Variants in IQCM observed in about 807,000 individuals in gnomAD.
IQCM encodes IQ motif containing M, also known as IQ domain-containing protein M.
In IQCM, 45 loss-of-function variants were observed where a neutral mutation model predicts 57.6. The ratio of observed to expected loss-of-function variants is 0.78; its 90% CI spans 0.62 to 1.00. IQCM has a LOEUF of 1.00. Among genes scored for constraint, IQCM ranks in the 50% least tolerant of loss-of-function variants. The pLI is 0.00. For missense variants in IQCM, 468 were observed against 511.6 expected (o/e 0.91, Z 0.82); for synonymous variants, 148 against 158.9 (o/e 0.93, Z 0.51).
chr4:149,490,919 G>A (rs1742023796), intron 12 of IQCM, among the ~76,000 whole-genome samples: 1 of 152,130 alleles, frequency 6.6e-6, no homozygotes, highest in Non-Finnish European at 1.5e-5. Flanking sequence ...TAGCCTATGA[G>A]GAAACAGAAG....
rs189649611 is a variant in IQCM, at chr4:149,790,142, A to G, written c.-49+25169T>C. On this transcript the variant is annotated intron_variant, in intron 2 of 13. Coordinates refer to ENST00000636793, the MANE Select transcript of IQCM (RefSeq NM_001363507.2). ...ATTTACTCTATGGCAGGTTGGAATGATCTGTGAACATTAGTTGAAAGAACA... is the reference window on the plus strand; with the variant it reads ...ATTTACTCTATGGCAGGTTGGAATGGTCTGTGAACATTAGTTGAAAGAACA... 56 of 563,188 alleles carry G rather than the reference A, an allele frequency of 9.9e-5. No homozygotes were observed. The Admixed American group carries it at 1.6e-3, about 16-fold the overall frequency. The allele number at this position is 563,188 out of a possible 1,614,324, so 34.9% of individuals were successfully genotyped here.
Position 149,695,627 on chromosome 4 carries a change from T to C in IQCM, c.386-9159A>G, listed in dbSNP as rs928079725. ...AAAGTAAATTATAGTGTCAATATATTTTTAATATGAGAGAAACTTTAGTAT... is the reference window on the plus strand; with the variant it reads ...AAAGTAAATTATAGTGTCAATATATCTTTAATATGAGAGAAACTTTAGTAT... On this transcript the variant is annotated intron_variant, in intron 5 of 13. Coordinates refer to ENST00000636793, the MANE Select transcript of IQCM (RefSeq NM_001363507.2). Among the ~76,000 whole-genome samples the C allele has an allele frequency of 2.6e-4, 40 of 152,122 alleles. 1 individual carries two copies. The highest frequency in any genetic ancestry group is 2.2e-4 in the Non-Finnish European group (15 of 68,036).
chr4:149,366,388 G>T (rs1329833170), intron 13 of IQCM, among the ~76,000 whole-genome samples: 1 of 151,690 alleles, frequency 6.6e-6, no homozygotes, highest in Non-Finnish European at 1.5e-5. Flanking sequence ...AGCTAAATTG[G>T]TCTACTCCTC....
At chr4:149,705,069 C>T (rs2149819488) in intron 5 of IQCM, among the ~76,000 whole-genome samples, 1 of 151,128 alleles carries the variant, frequency 6.6e-6, no homozygotes, top group Non-Finnish European at 1.5e-5. Context: ...TTGCAAACAG[C>T]ATATGGTGGG....
chr4:149,733,736 A>G (rs139856358), intron 4 of IQCM, among the ~76,000 whole-genome samples: 10 of 152,294 alleles, frequency 6.6e-5, no homozygotes, highest in African/African-American at 2.4e-4. Flanking sequence ...TCACAAGCAT[A>G]AGGATTATAT....
intron 12 of IQCM, among the ~76,000 whole-genome samples, chr4:149,450,028 A>G (rs965187882): frequency 2.0e-5 from 3 of 151,920 alleles, no homozygotes; most frequent in Non-Finnish European, 4.4e-5. Flanking sequence ...CCAATGGAAC[A>G]GAAATGAGAA....
chr4:149,772,322 A>G (rs1333744015), intron 2 of IQCM, among the ~76,000 whole-genome samples: 1 of 152,214 alleles, frequency 6.6e-6, no homozygotes, highest in Non-Finnish European at 1.5e-5. Flanking sequence ...AATGCTCAAA[A>G]TGTAATTTTG....
chr4:149,612,668 C>G (rs550942986), intron 8 of IQCM, among the ~76,000 whole-genome samples: 7 of 151,970 alleles, frequency 4.6e-5, no homozygotes, highest in Admixed American at 1.3e-4. Context: ...AACTATGTAA[C>G]TTTGTAAGCT....
At chr4:149,575,061 A>G (rs1751504727) in intron 9 of IQCM, among the ~76,000 whole-genome samples, 3 of 151,904 alleles carry the variant, frequency 2.0e-5, no homozygotes, top group African/African-American at 7.2e-5. Flanking sequence ...ATTTAGTTAT[A>G]ATTTACACAA....
intron 12 of IQCM, among the ~76,000 whole-genome samples, chr4:149,515,071 CGTGTGTGTGTGTGTGT>C (rs58534209): frequency 6.9e-4 from 98 of 142,906 alleles, no homozygotes; most frequent in African/African-American, 2.4e-3. Flanking sequence ...TATATATACA[CGTGTGTGTGTGTGTGT>C]GTGTGTGTGT....
At chr4:149,571,933 G>A (rs1751200622) in intron 9 of IQCM, among the ~76,000 whole-genome samples, 1 of 152,008 alleles carries the variant, frequency 6.6e-6, no homozygotes, top group South Asian at 2.1e-4. Flanking sequence ...TTACAATCAA[G>A]GGGAATAAGC....
intron 8 of IQCM, among the ~76,000 whole-genome samples, chr4:149,619,107 G>GATATATATATATATATATATATAT (rs70965194): frequency 8.5e-4 from 108 of 126,734 alleles, no homozygotes; most frequent in African/African-American, 1.9e-3. Flanking sequence ...ATGTGGGATG[G>GATATATATATATATATATATATAT]ATATATATAT....
chr4:149,724,171 G>T (rs1255176052), intron 5 of IQCM, among the ~76,000 whole-genome samples: 2 of 151,858 alleles, frequency 1.3e-5, no homozygotes, highest in Admixed American at 6.6e-5. Flanking sequence ...TTTGGAATCT[G>T]CAGAGTTCAT....
intron 5 of IQCM, among the ~76,000 whole-genome samples, chr4:149,731,454 T>G (rs1393492779): frequency 6.6e-6 from 1 of 152,160 alleles, no homozygotes. Flanking sequence ...AGAAATAAAT[T>G]TAGTCTGTTT....
intron 12 of IQCM, among the ~76,000 whole-genome samples, chr4:149,542,651 C>A (rs1747970515): frequency 6.6e-6 from 1 of 151,964 alleles, no homozygotes; most frequent in African/African-American, 2.4e-5. Flanking sequence ...TGATGACATT[C>A]AGTATAAAAT....
intron 9 of IQCM, among the ~76,000 whole-genome samples, chr4:149,585,516 A>C (rs1051704142): frequency 6.6e-5 from 10 of 151,754 alleles, no homozygotes; most frequent in African/African-American, 2.2e-4. Flanking sequence ...ACATATATAC[A>C]TATATATAGT....
intron 2 of IQCM, among the ~76,000 whole-genome samples, chr4:149,813,519 T>C (rs541326624): frequency 3.0e-4 from 45 of 152,108 alleles, no homozygotes; most frequent in African/African-American, 1.0e-3. Flanking sequence ...ACACAACAGA[T>C]ACCCCCAAAT....
intron 2 of IQCM, among the ~76,000 whole-genome samples, chr4:149,748,306 T>C (rs912546140): frequency 1.3e-5 from 2 of 152,234 alleles, no homozygotes; most frequent in African/African-American, 4.8e-5. Flanking sequence ...ATAGATATTA[T>C]GTTCTATTCT....
intron 2 of IQCM, among the ~76,000 whole-genome samples, chr4:149,804,434 A>G (rs1435294823): frequency 6.6e-6 from 1 of 151,952 alleles, no homozygotes; most frequent in African/African-American, 2.4e-5. Flanking sequence ...ACTGCCAATG[A>G]GCTGTGATTC....
Sources: allele counts gnomAD v4.1 joint callset (sites outside exome capture counted in the v4.1 genomes callset), GRCh38; gene constraint gnomAD v4.1.1; transcripts MANE v1.5; gene names NCBI Gene and HGNC (gene_info 2026-07-23, HGNC 2026-07-21).